Variants in SLC39A11 observed in about 807,000 individuals in gnomAD.
SLC39A11 encodes the protein solute carrier family 39 member 11, also known as zinc transporter ZIP11.
SLC39A11 carries 33 observed loss-of-function variants against 36.1 expected under a neutral mutation model. The ratio of observed to expected loss-of-function variants is 0.91; its 90% CI spans 0.69 to 1.22. The LOEUF (loss-of-function observed/expected upper bound fraction) is 1.22, where lower values mean the gene tolerates loss of function less well. SLC39A11 is among the 50% of genes most tolerant of loss of function. The pLI, the probability that SLC39A11 is intolerant of heterozygous loss-of-function variation, is 0.00. For synonymous variants in SLC39A11, 166 were observed against 170.3 expected (o/e 0.97, Z 0.20); for missense variants, 432 against 430.3 (o/e 1.00, Z -0.03).
chr17:72,783,922 C>A (rs2076410321), intron 6 of SLC39A11, among the ~76,000 whole-genome samples: 1 of 152,158 alleles, frequency 6.6e-6, no homozygotes, highest in Non-Finnish European at 1.5e-5. Context: ...CAGCCCCCAC[C>A]CAGGGCATGG....
intron 4 of SLC39A11, among the ~76,000 whole-genome samples, chr17:72,979,786 A>T (rs1371223009): frequency 1.3e-5 from 2 of 152,194 alleles, no homozygotes; most frequent in Non-Finnish European, 2.9e-5. Flanking sequence ...ACCTCAGATG[A>T]TGCAGCTGGC....
At chr17:72,837,360 CA>C (rs34639176) in intron 6 of SLC39A11, among the ~76,000 whole-genome samples, 5,359 of 91,056 alleles carry the variant, frequency 0.059, 81 homozygotes, top group Middle Eastern at 0.13. Flanking sequence ...GTATATTGCT[CA>C]AAAAAAAAAA....
chr17:72,652,444 C>T (rs2069894426), intron 7 of SLC39A11, among the ~76,000 whole-genome samples: 1 of 152,184 alleles, frequency 6.6e-6, no homozygotes, highest in Non-Finnish European at 1.5e-5. Flanking sequence ...AATACCCACC[C>T]TCACTTCACA....
chr17:72,748,816 C>A (rs890999230), intron 6 of SLC39A11, among the ~76,000 whole-genome samples: 2 of 152,176 alleles, frequency 1.3e-5, no homozygotes, highest in Non-Finnish European at 1.5e-5. Flanking sequence ...CAGATGCATG[C>A]CTCTAGCCAA....
At chr17:72,882,207 G>T (rs7213505) in intron 5 of SLC39A11, among the ~76,000 whole-genome samples, 79,064 of 151,734 alleles carry the variant, frequency 0.52, 22,537 homozygotes, top group African/African-American at 0.75. Context: ...ACAAAAAACT[G>T]TAGCCAGGCA....
chr17:72,747,696 CTGA>C (rs1167995179), intron 6 of SLC39A11, among the ~76,000 whole-genome samples: 2 of 152,148 alleles, frequency 1.3e-5, no homozygotes, highest in Non-Finnish European at 2.9e-5. Context: ...GACTAGCTGG[CTGA>C]TGATTTGCTG....
chr17:72,810,384 T>C (rs978933194), intron 6 of SLC39A11, among the ~76,000 whole-genome samples: 5 of 152,116 alleles, frequency 3.3e-5, no homozygotes, highest in African/African-American at 1.2e-4. Context: ...TAGTAGCATA[T>C]AAATACAATA....
At chr17:72,902,259 G>A (rs1054845083) in intron 5 of SLC39A11, among the ~76,000 whole-genome samples, 5 of 150,400 alleles carry the variant, frequency 3.3e-5, no homozygotes, top group African/African-American at 7.4e-5. Flanking sequence ...TAATAAGAGC[G>A]AAGCTCTGTC....
intron 7 of SLC39A11, among the ~76,000 whole-genome samples, chr17:72,717,623 A>G (rs2073463378): frequency 6.6e-6 from 1 of 152,228 alleles, no homozygotes; most frequent in Non-Finnish European, 1.5e-5. Context: ...AAGGGTACCC[A>G]GTCATGTTGG....
At chr17:72,881,873 C>T (rs1309279729) in intron 5 of SLC39A11, among the ~76,000 whole-genome samples, 2 of 152,224 alleles carry the variant, frequency 1.3e-5, no homozygotes, top group African/African-American at 4.8e-5. Context: ...TCGGCAGCCA[C>T]AGATCAGGCT....
chr17:72,835,564 G>A (rs58752703), intron 6 of SLC39A11, among the ~76,000 whole-genome samples: 7,075 of 152,284 alleles, frequency 0.046, 195 homozygotes, highest in Non-Finnish European at 0.062. Context: ...GGGCTCAAGT[G>A]ATTCTCCTGC....
At chr17:72,782,687 C>CAA (rs72447211) in intron 6 of SLC39A11, among the ~76,000 whole-genome samples, 26 of 62,476 alleles carry the variant, frequency 4.2e-4, no homozygotes, top group African/African-American at 9.7e-4. Flanking sequence ...GACCCCATCT[C>CAA]AAAAAAAAAA....
intron 4 of SLC39A11, among the ~76,000 whole-genome samples, chr17:72,990,005 G>C (rs925245697): frequency 2.0e-5 from 3 of 152,218 alleles, no homozygotes; most frequent in Admixed American, 6.5e-5. Flanking sequence ...GCTGCACGTA[G>C]TATCAGACTA....
At chr17:72,809,454 C>T (rs1263908397) in intron 6 of SLC39A11, among the ~76,000 whole-genome samples, 4 of 152,090 alleles carry the variant, frequency 2.6e-5, no homozygotes, top group Non-Finnish European at 5.9e-5. Context: ...CTCAGGATCT[C>T]GACACTTCCT....
intron 5 of SLC39A11, among the ~76,000 whole-genome samples, chr17:72,944,531 A>G (rs28414010): frequency 1.0e-3 from 49 of 47,922 alleles, no homozygotes; most frequent in Non-Finnish European, 3.3e-3. Flanking sequence ...CTTGCCTTTC[A>G]AACACACACA....
chr17:72,791,212 C>T (rs1331711456), intron 6 of SLC39A11, among the ~76,000 whole-genome samples: 3 of 152,170 alleles, frequency 2.0e-5, no homozygotes, highest in Non-Finnish European at 4.4e-5. Context: ...CCCAACACTT[C>T]GGGAGGCCGA....
chr17:73,067,952 T>C, intron 3 of SLC39A11: 5 of 1,599,756 alleles, frequency 3.1e-6, no homozygotes, highest in Non-Finnish European at 3.4e-6. Context: ...AACTTCTTGG[T>C]CTGGGGAAGG....
At chr17:73,074,356 G>A (rs998378384) in intron 3 of SLC39A11, among the ~76,000 whole-genome samples, 1 of 142,550 alleles carries the variant, frequency 7.0e-6, no homozygotes, top group Non-Finnish European at 1.5e-5. Flanking sequence ...GGAGTGCAGT[G>A]GTGCAATCTT....
chr17:72,685,078 A>C (rs527550370), intron 7 of SLC39A11, among the ~76,000 whole-genome samples: 1 of 152,370 alleles, frequency 6.6e-6, no homozygotes, highest in African/African-American at 2.4e-5. Flanking sequence ...ATGTTCGTCC[A>C]TTTAGTTGGT....
Sources: gnomAD v4.1 joint callset for allele counts (sites outside exome capture counted in the v4.1 genomes callset) on GRCh38, gnomAD v4.1.1 for gene constraint, MANE v1.5 for transcripts, NCBI Gene and HGNC (gene_info 2026-07-23, HGNC 2026-07-21) for gene names.